Variants in ENTREP2 observed in about 807,000 individuals in gnomAD.
ENTREP2 encodes endosomal transmembrane epsin interactor 2.
chr15:29,146,398 A>C, the ENTREP2 span, among the ~76,000 whole-genome samples: 1 of 152,208 alleles, frequency 6.6e-6, no homozygotes, highest in African/African-American at 2.4e-5. Flanking sequence ...CACACGTCAA[A>C]ACTTACTATG....
chr15:29,422,434 A>G, the ENTREP2 span, among the ~76,000 whole-genome samples: 1 of 152,194 alleles, frequency 6.6e-6, no homozygotes, highest in African/African-American at 2.4e-5. Context: ...ACTTTGAATT[A>G]CAGAGCAGAA....
the ENTREP2 span, among the ~76,000 whole-genome samples, chr15:29,393,943 C>A: frequency 1.3e-5 from 2 of 152,060 alleles, no homozygotes; most frequent in African/African-American, 4.8e-5. Flanking sequence ...CCATTTTCCC[C>A]TGGAAAAAAA....
the ENTREP2 span, among the ~76,000 whole-genome samples, chr15:29,438,953 C>T: frequency 6.6e-6 from 1 of 152,088 alleles, no homozygotes; most frequent in African/African-American, 2.4e-5. Flanking sequence ...ATGTGTATTT[C>T]CCCTGAAGGC....
chr15:29,147,959 G>A, the ENTREP2 span, among the ~76,000 whole-genome samples: 64 of 152,194 alleles, frequency 4.2e-4, no homozygotes, highest in African/African-American at 1.5e-3. Flanking sequence ...CTGTTGAGCC[G>A]TAAAAAAGAA....
the ENTREP2 span, among the ~76,000 whole-genome samples, chr15:29,620,029 A>G: frequency 6.6e-6 from 1 of 152,086 alleles, no homozygotes; most frequent in Admixed American, 6.5e-5. Flanking sequence ...AACCAATGGG[A>G]TGATATAGAA....
the ENTREP2 span, among the ~76,000 whole-genome samples, chr15:29,326,826 G>C: frequency 6.6e-6 from 1 of 152,036 alleles, no homozygotes; most frequent in Non-Finnish European, 1.5e-5. Flanking sequence ...AATAAAAATA[G>C]TATAAACAAG....
chr15:29,436,959 A>G, the ENTREP2 span, among the ~76,000 whole-genome samples: 1 of 152,240 alleles, frequency 6.6e-6, no homozygotes, highest in Non-Finnish European at 1.5e-5. Context: ...CTGTCCAAGA[A>G]CTCAGAAGGC....
At chr15:29,606,266 A>G in the ENTREP2 span, among the ~76,000 whole-genome samples, 1 of 139,498 alleles carries the variant, frequency 7.2e-6, no homozygotes, top group Non-Finnish European at 1.5e-5. Context: ...ATGGGGTCTC[A>G]CTCTGTCACC....
the ENTREP2 span, among the ~76,000 whole-genome samples, chr15:29,594,194 T>C: frequency 7.2e-5 from 11 of 152,182 alleles, no homozygotes; most frequent in Admixed American, 5.9e-4. Flanking sequence ...TCTAGACTCA[T>C]ATGACTGAAA....
chr15:29,657,053 C>G, the ENTREP2 span, among the ~76,000 whole-genome samples: 1 of 152,024 alleles, frequency 6.6e-6, no homozygotes, highest in Non-Finnish European at 1.5e-5. Flanking sequence ...AGTGTTACAG[C>G]TCTTTTCTTT....
the ENTREP2 span, among the ~76,000 whole-genome samples, chr15:29,156,507 A>C: frequency 2.6e-5 from 4 of 152,244 alleles, no homozygotes; most frequent in Non-Finnish European, 1.5e-5. Flanking sequence ...TGTTTTGAGA[A>C]TTGATTGAGA....
the ENTREP2 span, among the ~76,000 whole-genome samples, chr15:29,539,891 C>T: frequency 6.6e-6 from 1 of 152,114 alleles, no homozygotes; most frequent in Non-Finnish European, 1.5e-5. Flanking sequence ...GCCCTCACAC[C>T]ATGCCAGGGC....
At chr15:29,263,242 G>A in the ENTREP2 span, among the ~76,000 whole-genome samples, 1 of 152,228 alleles carries the variant, frequency 6.6e-6, no homozygotes, top group Admixed American at 6.5e-5. Flanking sequence ...CCTTTCACAT[G>A]TAGATTTGTT....
At chr15:29,573,024 T>C in the ENTREP2 span, among the ~76,000 whole-genome samples, 1 of 152,160 alleles carries the variant, frequency 6.6e-6, no homozygotes, top group Non-Finnish European at 1.5e-5. Flanking sequence ...TGGGTGTGTT[T>C]GGGAGATGTT....
the ENTREP2 span, among the ~76,000 whole-genome samples, chr15:29,404,560 C>A: frequency 1.3e-5 from 2 of 151,932 alleles, no homozygotes; most frequent in South Asian, 2.1e-4. Context: ...CCCCTTGCTT[C>A]CTCCCCCACT....
At chr15:29,600,898 C>CTTTTTTTTTTTTTTTTTTT in the ENTREP2 span, among the ~76,000 whole-genome samples, 807 of 125,158 alleles carry the variant, frequency 6.4e-3, 110 homozygotes, top group East Asian at 0.031. Context: ...TATGATTTTT[C>CTTTTTTTTTTTTTTTTTTT]TTTCTTTTTT....
At chr15:29,438,509 G>A in the ENTREP2 span, among the ~76,000 whole-genome samples, 1 of 152,058 alleles carries the variant, frequency 6.6e-6, no homozygotes, top group Non-Finnish European at 1.5e-5. Context: ...CTGAAATAGA[G>A]TGTAGCTGGA....
At chr15:29,289,327 A>C in the ENTREP2 span, among the ~76,000 whole-genome samples, 4 of 152,196 alleles carry the variant, frequency 2.6e-5, no homozygotes, top group Non-Finnish European at 5.9e-5. Flanking sequence ...CTTATTAGCA[A>C]TCAAGGAGAT....
the ENTREP2 span, among the ~76,000 whole-genome samples, chr15:29,560,021 G>A: frequency 2.0e-5 from 3 of 152,210 alleles, no homozygotes; most frequent in Non-Finnish European, 4.4e-5. Flanking sequence ...GCATCATAAA[G>A]ATTCTCCGGA....
Sources: allele counts gnomAD v4.1 joint callset (sites outside exome capture counted in the v4.1 genomes callset), GRCh38; gene constraint gnomAD v4.1.1; transcripts MANE v1.5; gene names NCBI Gene and HGNC (gene_info 2026-07-23, HGNC 2026-07-21).